Variants in SLIT3 observed in about 807,000 individuals in gnomAD.
The protein encoded by SLIT3 is slit guidance ligand 3.
A neutral mutation model predicts 184.0 loss-of-function variants in SLIT3; 68 were observed. The observed-to-expected ratio is 0.37, with a 90% CI of 0.30 to 0.45. The LOEUF (loss-of-function observed/expected upper bound fraction) is 0.45. SLIT3 is among the 20% of genes least tolerant of loss of function. The pLI, the probability that SLIT3 is intolerant of heterozygous loss-of-function variation, is 1.00. For synonymous variants in SLIT3, 831 were observed against 828.6 expected (o/e 1.00, Z -0.05); for missense variants, 1,707 against 2,026.0 (o/e 0.84, Z 3.02).
chr5:169,176,511 G>A (rs563298847), intron 4 of SLIT3, among the ~76,000 whole-genome samples: 17 of 152,148 alleles, frequency 1.1e-4, no homozygotes, highest in Non-Finnish European at 2.2e-4. Context: ...TAGATCCTTC[G>A]AATTTCCTTA....
At chr5:168,915,026 T>C (rs903128020) in intron 4 of SLIT3, among the ~76,000 whole-genome samples, 5 of 152,198 alleles carry the variant, frequency 3.3e-5, no homozygotes, top group Non-Finnish European at 7.3e-5. Flanking sequence ...ATACTCTAAA[T>C]GTGAAAGCAG....
intron 4 of SLIT3, among the ~76,000 whole-genome samples, chr5:169,172,796 T>A (rs1385570938): frequency 6.6e-6 from 1 of 151,980 alleles, no homozygotes; most frequent in East Asian, 1.9e-4. Context: ...AAAATACAAT[T>A]CCCCGCTCAC....
intron 4 of SLIT3, chr5:169,024,216 C>G (rs1317106038): frequency 1.3e-5 from 2 of 152,254 alleles, no homozygotes; most frequent in Admixed American, 1.3e-4. Context: ...GCAAGATGGC[C>G]AGTCCACCCC....
chr5:169,089,823 T>A (rs1375139281), intron 4 of SLIT3, among the ~76,000 whole-genome samples: 2 of 152,212 alleles, frequency 1.3e-5, no homozygotes, highest in African/African-American at 4.8e-5. Context: ...GCTTAGTGTA[T>A]TTTCCACTTG....
At chr5:168,798,336 A>C (rs1756648974) in intron 9 of SLIT3, among the ~76,000 whole-genome samples, 3 of 148,890 alleles carry the variant, frequency 2.0e-5, no homozygotes, top group Middle Eastern at 7.4e-3. Flanking sequence ...TGATCCTCCC[A>C]CCTCAGCTTC....
rs1434832175 is a variant in SLIT3 at position 168,973,427 on chromosome 5, T to C, written c.414-90091A>G. ...CACACCCAGCTCATTTTTCTATTTT[T>C]AGTTGAGACGGGGTTTTGCCATGTT... is the stretch of plus-strand genomic sequence containing the variant. On this transcript the variant is annotated intron_variant, in intron 4 of 35. Transcript: ENST00000519560. Among the ~76,000 whole-genome samples, 3 of 152,134 alleles carry C rather than the reference T, an allele frequency of 2.0e-5. No homozygotes were observed. In the South Asian group the frequency reaches 6.2e-4, roughly 32 times the overall value.
chr5:169,169,435 T>C (rs1477942932), intron 4 of SLIT3, among the ~76,000 whole-genome samples: 2 of 152,188 alleles, frequency 1.3e-5, no homozygotes, highest in Non-Finnish European at 2.9e-5. Context: ...CATTTTTTTC[T>C]GAAATAAATA....
At position 168,813,194 on chromosome 5, in the gene SLIT3, A is replaced by T. The variant is rs555006094; in HGVS notation, c.793+4106T>A. On this transcript the variant is annotated intron_variant, in intron 8 of 35. Coordinates refer to ENST00000519560, the MANE Select transcript of SLIT3 (RefSeq NM_003062.4). ...TAACTGATTTAGGAGGTCAACTAAT[A>T]ACCTTGAATTACAAATTGCGACTGG... Among the ~76,000 whole-genome samples, 7 of 152,314 alleles carry T rather than the reference A, an allele frequency of 4.6e-5. No individual in the cohort carries two copies. The East Asian group carries it at 1.3e-3, about 29-fold the overall frequency.
Position 168,762,587 on chromosome 5 carries a change from T to C in SLIT3, c.1562A>G (p.Gln521Arg), listed in dbSNP as rs1755195640. The C allele has an allele frequency of 1.2e-6, 2 of 1,613,912 alleles. No individual in the cohort carries two copies. The highest frequency in any genetic ancestry group is 1.7e-6 in the Non-Finnish European group (2 of 1,179,998). ...GTGGCTTGGGATGCGGACCAGCTTCTGGTTGGAGCAGTCCACAATCGTGCC... is the reference window on the plus strand; with the variant it reads ...GTGGCTTGGGATGCGGACCAGCTTCCGGTTGGAGCAGTCCACAATCGTGCC... The part of the protein sequence containing the change: ...CEGTIVDCSN[Q>R]KLVRIPSHLP... Residue 521 changes from glutamine (Q) to arginine (R), a missense_variant, in exon 15 of 36, where the codon CAG (glutamine) becomes CGG (arginine). Gln to Arg is a conservative substitution (Grantham distance 43). Around this residue, in one of 3 missense-constraint regions of SLIT3, gnomAD observed 1,307 missense variants for 1,511.6 expected, o/e 0.86. Coordinates refer to ENST00000519560, the MANE Select transcript of SLIT3 (RefSeq NM_003062.4).
At chr5:169,214,452 C>G (rs956290408) in intron 3 of SLIT3, among the ~76,000 whole-genome samples, 1 of 152,172 alleles carries the variant, frequency 6.6e-6, no homozygotes, top group African/African-American at 2.4e-5. Context: ...TGGCAACAAC[C>G]AAGGCTTGTC....
intron 4 of SLIT3, among the ~76,000 whole-genome samples, chr5:168,907,551 T>C (rs1322586125): frequency 6.6e-6 from 1 of 152,176 alleles, no homozygotes; most frequent in Non-Finnish European, 1.5e-5. Flanking sequence ...CATTTTCCTC[T>C]TTTTGATGAC....
intron 3 of SLIT3, among the ~76,000 whole-genome samples, chr5:169,201,540 C>T (rs1393060862): frequency 2.0e-5 from 3 of 152,102 alleles, no homozygotes; most frequent in South Asian, 2.1e-4. Flanking sequence ...CTAGATGTCC[C>T]AAGAGGTTGG....
intron 4 of SLIT3, among the ~76,000 whole-genome samples, chr5:168,938,761 G>T (rs1313134884): frequency 6.6e-6 from 1 of 152,108 alleles, no homozygotes; most frequent in Non-Finnish European, 1.5e-5. Flanking sequence ...CTCCCTAGTA[G>T]GTGGGACTAC....
At chr5:168,887,595 T>C (rs1760269462) in intron 4 of SLIT3, among the ~76,000 whole-genome samples, 1 of 152,202 alleles carries the variant, frequency 6.6e-6, no homozygotes, top group Non-Finnish European at 1.5e-5. Flanking sequence ...TGTGTGAATC[T>C]GGTCAACTGC....
intron 5 of SLIT3, among the ~76,000 whole-genome samples, chr5:168,869,722 A>G (rs1310929837): frequency 6.6e-6 from 1 of 152,202 alleles, no homozygotes; most frequent in Admixed American, 6.5e-5. Flanking sequence ...TTAGCTGGGA[A>G]ATCTTGGAAC....
intron 4 of SLIT3, among the ~76,000 whole-genome samples, chr5:169,003,404 T>G (rs1463597904): frequency 2.0e-5 from 3 of 152,206 alleles, no homozygotes; most frequent in Non-Finnish European, 4.4e-5. Flanking sequence ...CCTGCTCAGC[T>G]TCTAGAATGT....
At chr5:169,009,272 C>T (rs541734194) in intron 4 of SLIT3, among the ~76,000 whole-genome samples, 166 of 152,328 alleles carry the variant, frequency 1.1e-3, no homozygotes, top group African/African-American at 3.7e-3. Flanking sequence ...CCTGCTAATT[C>T]GCTTCTCAGA....
At chr5:169,220,318 GAA>G (rs34319698) in intron 3 of SLIT3, among the ~76,000 whole-genome samples, 7 of 129,094 alleles carry the variant, frequency 5.4e-5, no homozygotes, top group Non-Finnish European at 8.6e-5. Context: ...TAGCCAAATG[GAA>G]AAAAAAAAAA....
chr5:168,714,544 T>C (rs1289537605), intron 23 of SLIT3, among the ~76,000 whole-genome samples: 2 of 152,172 alleles, frequency 1.3e-5, no homozygotes, highest in African/African-American at 4.8e-5. Flanking sequence ...GATTGTGCCA[T>C]TGTACTCCAG....
Sources: gnomAD v4.1 joint callset for allele counts (sites outside exome capture counted in the v4.1 genomes callset) on GRCh38, gnomAD v4.1.1 for gene constraint, gnomAD v4.1.1 regional missense constraint, MANE v1.5 for transcripts, NCBI Gene and HGNC (gene_info 2026-07-23, HGNC 2026-07-21) for gene names.